Variants in EVPLL observed in about 807,000 individuals in gnomAD.
The protein encoded by EVPLL is envoplakin like.
EVPLL carries 39 observed loss-of-function variants against 46.2 expected under a neutral mutation model. That is an observed-to-expected ratio of 0.84 (90% CI 0.65 to 1.10). EVPLL has a LOEUF of 1.10. Among genes scored for constraint, EVPLL ranks in the 50% least tolerant of loss-of-function variants. The probability of loss-of-function intolerance (pLI) is 0.00; values close to 1 mark genes in which losing one functional copy is unlikely to be tolerated. For missense variants in EVPLL, 385 were observed against 412.6 expected (o/e 0.93, Z 0.58); for synonymous variants, 156 against 165.8 (o/e 0.94, Z 0.46).
At chr17:18,387,190 C>A (rs904862213) in intron 9 of EVPLL, among the ~76,000 whole-genome samples, 5 of 150,918 alleles carry the variant, frequency 3.3e-5, no homozygotes, top group African/African-American at 1.2e-4. Context: ...TGAGCCACCG[C>A]GCCTGGCCTG....
intron 9 of EVPLL, chr17:18,386,420 C>T (rs148033503): frequency 1.3e-4 from 12 of 95,904 alleles, no homozygotes; most frequent in African/African-American, 5.3e-4. Context: ...CAACCCACCA[C>T]ATAGGCCCTC....
chr17:18,380,925 G>C lies in EVPLL; in HGVS notation c.-13G>C. ...AGAATGCCACCCAGGAGCTGACCCTGCTCATCTCCCACATGCAAGCCAGCG... is the reference window on the plus strand; with the variant it reads ...AGAATGCCACCCAGGAGCTGACCCTCCTCATCTCCCACATGCAAGCCAGCG... On this transcript the variant is annotated 5_prime_UTR_variant, in exon 2 of 11. Coordinates refer to ENST00000399134, the MANE Select transcript of EVPLL (RefSeq NM_001145127.2). 1 of 1,583,854 alleles carries C rather than the reference G, an allele frequency of 6.3e-7. No individual in the cohort carries two copies. Among genetic ancestry groups the C allele is most frequent in the Non-Finnish European group, 8.6e-7 (1 of 1,165,966 alleles).
chr17:18,383,735 G>A, intron 9 of EVPLL, 148 bp downstream of exon 9: 2 of 685,588 alleles, frequency 2.9e-6, no homozygotes, highest in Non-Finnish European at 4.9e-6. Context: ...CACTTTGGGA[G>A]GCTGAGGCTG....
In EVPLL at chr17:18,381,909, G is replaced by A. The variant is rs1987591571; in HGVS notation, c.346+179G>A. On this transcript the variant is annotated intron_variant, in intron 4 of 10. Coordinates refer to ENST00000399134, the MANE Select transcript of EVPLL (RefSeq NM_001145127.2). The surrounding 1 kb of genome is among the most constrained non-coding windows in gnomAD (Gnocchi z 4.2). ...AGACTTCCTGTAGGAGGAGGCACAT[G>A]AAGAGACCTCAGAGGGGTGAGAGGG... The A allele has an allele frequency of 4.0e-6, 4 of 1,003,688 alleles. No homozygotes were observed. The South Asian group carries it at 6.3e-5, about 16-fold the overall frequency. 62.2% of individuals were successfully genotyped at this position (1,003,688 alleles called of 1,614,324 possible). A position where few individuals can be genotyped will look rare whatever the true frequency, so the allele number is the denominator to read the frequency against.
Position 18,381,237 on chromosome 17 carries a change from T to C in EVPLL, c.64-130T>C. 1 of 1,409,622 alleles carries C rather than the reference T, an allele frequency of 7.1e-7. No homozygotes were observed. The highest frequency in any genetic ancestry group is 2.6e-5 in the Admixed American group (1 of 37,878). 87.3% of individuals were successfully genotyped at this position (1,409,622 alleles called of 1,614,324 possible). On this transcript the variant is annotated intron_variant, in intron 2 of 10. Transcript: ENST00000399134. The surrounding 1 kb of genome is among the most constrained non-coding windows in gnomAD (Gnocchi z 4.2). ...CATGGACGCCCTGGGCCTGACCCTG[T>C]GCCTGGCGTGGGCCTCGAGGTTGGC... is the stretch of plus-strand genomic sequence containing the variant.
chr17:18,381,099 T>C lies in EVPLL; in HGVS notation c.63+99T>C, dbSNP rs1170094221. 1 of 1,420,084 alleles carries C rather than the reference T, an allele frequency of 7.0e-7. No individual in the cohort carries two copies. The highest frequency in any genetic ancestry group is 9.7e-7 in the Non-Finnish European group (1 of 1,032,438). The allele number at this position is 1,420,084 out of a possible 1,614,324, so 88.0% of individuals were successfully genotyped here. ...CTCCCTGAGTGCCCCCTGGTGATGG[T>C]GAAGATGGGACAGATGACATTTGTC... On this transcript the variant is annotated intron_variant, in intron 2 of 10. Transcript: ENST00000399134. This position sits in a 1 kb window ranked among gnomAD's most constrained non-coding sequence, Gnocchi z 4.2.
chr17:18,382,733 G>C, intron 5 of EVPLL, 93 bp from the exon 6 acceptor site: 1 of 1,559,380 alleles, frequency 6.4e-7, no homozygotes, highest in Non-Finnish European at 8.7e-7. Flanking sequence ...CCTGGGGATA[G>C]GGGTGGGTGG....
intron 9 of EVPLL, among the ~76,000 whole-genome samples, chr17:18,387,643 G>A (rs1987811313): frequency 6.6e-6 from 1 of 151,868 alleles, no homozygotes; most frequent in African/African-American, 2.4e-5. Context: ...GGCTTCATCT[G>A]GATTGTGGGC....
In EVPLL at chr17:18,381,918, T is replaced by C; in HGVS notation, c.346+188T>C. On this transcript the variant is annotated intron_variant, in intron 4 of 10. Coordinates refer to ENST00000399134, the MANE Select transcript of EVPLL (RefSeq NM_001145127.2). This position sits in a 1 kb window ranked among gnomAD's most constrained non-coding sequence, Gnocchi z 4.2. ...GTAGGAGGAGGCACATGAAGAGACC[T>C]CAGAGGGGTGAGAGGGCTCGGTTGG... is the stretch of plus-strand genomic sequence containing the variant. 1.1e-6 allele frequency: 1 copy of C among 929,096 alleles called. No individual in the cohort carries two copies. The highest frequency in any genetic ancestry group is 1.6e-6 in the Non-Finnish European group (1 of 626,068). The allele number at this position is 929,096 out of a possible 1,614,324, so 57.6% of individuals were successfully genotyped here.
chr17:18,387,051 C>A (rs921286207), intron 9 of EVPLL, among the ~76,000 whole-genome samples: 5 of 125,028 alleles, frequency 4.0e-5, no homozygotes, highest in African/African-American at 1.6e-4. Context: ...CCCGCCACCA[C>A]GCATGGCTAA....
Position 18,383,324 on chromosome 17 carries a change from G to A in EVPLL, c.726G>A (p.Glu242=), listed in dbSNP as rs770080340. Reference sequence around the variant, plus strand: ...AGGAGCAGAGCGTAAACCAGCTGGAGGAGGACGGCAAGCGCATGGTGGAGC... The same window carrying A: ...AGGAGCAGAGCGTAAACCAGCTGGAAGAGGACGGCAAGCGCATGGTGGAGC... The part of the protein sequence containing the change: ...LSQEQSVNQL[E]EDGKRMVELR... The change falls in exon 8 of 11, where the codon GAG becomes GAA. Residue 242 remains glutamate, a synonymous_variant. Transcript: ENST00000399134. 5.0e-6 allele frequency: 8 copies of A among 1,605,924 alleles called. No individual in the cohort carries two copies. In the South Asian group the frequency reaches 7.8e-5, roughly 16 times the overall value.
chr17:18,381,802 C>T lies in EVPLL; in HGVS notation c.346+72C>T. Reference sequence around the variant, plus strand: ...GAACTGCATTTAACCCAGGGCCTGACTGTAGGCTTGAACAGTCAGTGTATA... The same window carrying T: ...GAACTGCATTTAACCCAGGGCCTGATTGTAGGCTTGAACAGTCAGTGTATA... On this transcript the variant is annotated intron_variant, in intron 4 of 10. Transcript: ENST00000399134. The surrounding 1 kb of genome is among the most constrained non-coding windows in gnomAD (Gnocchi z 4.2). 4 of 1,607,558 alleles carry T rather than the reference C, an allele frequency of 2.5e-6. No homozygotes were observed. Among genetic ancestry groups the T allele is most frequent in the Non-Finnish European group, 3.4e-6 (4 of 1,177,094 alleles).
chr17:18,388,177 A>G, intron 9 of EVPLL, 42 bp from the exon 10 acceptor site: 2 of 1,262,244 alleles, frequency 1.6e-6, no homozygotes, highest in Non-Finnish European at 2.3e-6. Context: ...TACACTCCCA[A>G]CTCTTCTCCC....
At position 18,381,305 on chromosome 17, in the gene EVPLL, G is replaced by T. The variant is rs1987560998; in HGVS notation, c.64-62G>T. 2 of 1,486,116 alleles carry T rather than the reference G, an allele frequency of 1.3e-6. No homozygotes were observed. Among genetic ancestry groups the T allele is most frequent in the African/African-American group, 2.8e-5 (2 of 71,536 alleles). 92.1% of individuals were successfully genotyped at this position (1,486,116 alleles called of 1,614,324 possible). A position where few individuals can be genotyped will look rare whatever the true frequency, so the allele number is the denominator to read the frequency against. On this transcript the variant is annotated intron_variant, in intron 2 of 10. Transcript: ENST00000399134. This position sits in a 1 kb window ranked among gnomAD's most constrained non-coding sequence, Gnocchi z 4.2. ...CAAAGGTGGGGCTCAGGCCCACAATGATGGGCAGCAGGGGTGTGGGGGCTC... is the reference window on the plus strand; with the variant it reads ...CAAAGGTGGGGCTCAGGCCCACAATTATGGGCAGCAGGGGTGTGGGGGCTC...
chr17:18,381,242 G>C lies in EVPLL; in HGVS notation c.64-125G>C, dbSNP rs547108851. 1.2e-5 allele frequency: 17 copies of C among 1,419,494 alleles called. No individual in the cohort carries two copies. The East Asian group carries it at 3.0e-4, about 25-fold the overall frequency. 87.9% of individuals were successfully genotyped at this position (1,419,494 alleles called of 1,614,324 possible). A position where few individuals can be genotyped will look rare whatever the true frequency, so the allele number is the denominator to read the frequency against. On this transcript the variant is annotated intron_variant, in intron 2 of 10. Transcript: ENST00000399134. This position sits in a 1 kb window ranked among gnomAD's most constrained non-coding sequence, Gnocchi z 4.2. The stretch of plus-strand genomic sequence containing the variant: ...ACGCCCTGGGCCTGACCCTGTGCCT[G>C]GCGTGGGCCTCGAGGTTGGCCAGCA...
chr17:18,383,235 G>C (rs1213505139), intron 7 of EVPLL, 36 bp from the exon 8 acceptor site: 1 of 1,552,366 alleles, frequency 6.4e-7, no homozygotes, highest in Non-Finnish European at 8.7e-7. Context: ...GGCCATCCTG[G>C]TCCTCACCGC....
At chr17:18,386,635 T>C (rs7222951) in intron 9 of EVPLL, among the ~76,000 whole-genome samples, 90,355 of 150,842 alleles carry the variant, frequency 0.6, 27,681 homozygotes, top group African/African-American at 0.67. Flanking sequence ...CTGGTGCAGT[T>C]GCTTGCCGGC....
rs1262783325 is a variant in EVPLL, at chr17:18,382,548, G to T, written c.382G>T (p.Gly128Cys). 4 of 1,551,868 alleles carry T rather than the reference G, an allele frequency of 2.6e-6. No homozygotes were observed. The highest frequency in any genetic ancestry group is 2.4e-5 in the East Asian group (1 of 40,928). The change falls in exon 5 of 11, where the codon GGC becomes TGC. Residue 128 changes from glycine to cysteine, a missense_variant. Physicochemically the swap from Gly to Cys is radical, Grantham distance 159. Coordinates refer to ENST00000399134, the MANE Select transcript of EVPLL (RefSeq NM_001145127.2). ...GLRRPVWAGHGGAGGTDRGAQ... is the reference protein window; with the variant it reads ...GLRRPVWAGHCGAGGTDRGAQ... ...GCGCAGGCCAGTATGGGCCGGGCAT[G>T]GCGGAGCTGGAGGAACAGATCGCGG...
intron 9 of EVPLL, among the ~76,000 whole-genome samples, chr17:18,386,965 G>C (rs1987785790): frequency 1.3e-5 from 2 of 150,222 alleles, no homozygotes; most frequent in Non-Finnish European, 3.0e-5. Flanking sequence ...CCTGATCTCT[G>C]CTCACTGCAA....
Sources: gnomAD v4.1 joint callset for allele counts (sites outside exome capture counted in the v4.1 genomes callset) on GRCh38, gnomAD v4.1.1 for gene constraint, Gnocchi (gnomAD v3.1) non-coding constraint, MANE v1.5 for transcripts, NCBI Gene and HGNC (gene_info 2026-07-23, HGNC 2026-07-21) for gene names.